The following XKR9 variants were observed in gnomAD, a reference collection of about 807,000 sequenced individuals.
XKR9 encodes XK related 9.
XKR9 carries 32 observed loss-of-function variants against 32.0 expected under a neutral mutation model. That is an observed-to-expected ratio of 1.00 (90% CI 0.76 to 1.34). The LOEUF (loss-of-function observed/expected upper bound fraction) is 1.34, where lower values mean the gene tolerates loss of function less well. Ranked by LOEUF, XKR9 falls within the 40% of genes most tolerant of loss-of-function variation. XKR9 has a pLI of 0.00. For missense variants in XKR9, 546 were observed against 429.7 expected (o/e 1.27, Z -2.39); for synonymous variants, 168 against 143.4 (o/e 1.17, Z -1.22).
chr8:70,785,551 T>G (rs1807673467), intron 2 of XKR9, among the ~76,000 whole-genome samples: 1 of 136,274 alleles, frequency 7.3e-6, no homozygotes, highest in Non-Finnish European at 1.7e-5. Context: ...CTGCTTGCTT[T>G]GGGTTTAGTT....
At chr8:70,813,215 G>A in the XKR9 span, among the ~76,000 whole-genome samples, 5 of 152,182 alleles carry the variant, frequency 3.3e-5, no homozygotes, top group Non-Finnish European at 2.9e-5. Flanking sequence ...TTTAATAAAT[G>A]GTGCTGGGAA....
At chr8:70,830,955 G>C in the XKR9 span, among the ~76,000 whole-genome samples, 1 of 152,006 alleles carries the variant, frequency 6.6e-6, no homozygotes. Context: ...TAGTCTTTTT[G>C]TGTTTTGGGG....
At chr8:70,844,068 C>A in the XKR9 span, among the ~76,000 whole-genome samples, 1 of 152,192 alleles carries the variant, frequency 6.6e-6, no homozygotes. Flanking sequence ...GTGCAGCTTA[C>A]CAAGGACGAT....
chr8:71,014,400 A>T, the XKR9 span, among the ~76,000 whole-genome samples: 1 of 152,232 alleles, frequency 6.6e-6, no homozygotes, highest in Admixed American at 6.5e-5. Flanking sequence ...TGCTCCCCAC[A>T]AAAGCTCTAG....
chr8:70,874,762 C>T, the XKR9 span, among the ~76,000 whole-genome samples: 1 of 152,176 alleles, frequency 6.6e-6, no homozygotes, highest in Non-Finnish European at 1.5e-5. Context: ...TTTTCTTGCT[C>T]AGCTCTGCTA....
the XKR9 span, among the ~76,000 whole-genome samples, chr8:70,796,760 A>G: frequency 2.0e-5 from 3 of 152,246 alleles, no homozygotes; most frequent in South Asian, 2.1e-4. Flanking sequence ...AAAGAATGTT[A>G]GAGACACAGG....
chr8:70,939,684 G>A, the XKR9 span, among the ~76,000 whole-genome samples: 4 of 151,884 alleles, frequency 2.6e-5, no homozygotes, highest in African/African-American at 9.7e-5. Flanking sequence ...ACAATACTGG[G>A]TTTACCATCA....
the XKR9 span, among the ~76,000 whole-genome samples, chr8:70,991,962 C>A: frequency 6.6e-6 from 1 of 152,170 alleles, no homozygotes; most frequent in Non-Finnish European, 1.5e-5. Context: ...GTTTCATTGT[C>A]TGCCTTGCAT....
intron 2 of XKR9, among the ~76,000 whole-genome samples, chr8:70,763,385 T>C (rs1360506415): frequency 2.0e-5 from 3 of 152,186 alleles, no homozygotes; most frequent in African/African-American, 7.2e-5. Context: ...TTCAGATAAC[T>C]CTAAGGTGTC....
chr8:70,810,573 C>G, the XKR9 span, among the ~76,000 whole-genome samples: 2 of 151,816 alleles, frequency 1.3e-5, no homozygotes, highest in East Asian at 1.9e-4. Flanking sequence ...CACATAGACT[C>G]AAAATAAAGG....
At chr8:70,946,070 G>A in the XKR9 span, among the ~76,000 whole-genome samples, 1 of 152,088 alleles carries the variant, frequency 6.6e-6, no homozygotes, top group Admixed American at 6.5e-5. Flanking sequence ...GGGAGGCGGA[G>A]GTTGCAGTGA....
chr8:71,023,762 T>C, the XKR9 span, among the ~76,000 whole-genome samples: 1 of 152,134 alleles, frequency 6.6e-6, no homozygotes, highest in Non-Finnish European at 1.5e-5. Context: ...ATGGCCTCCA[T>C]GGACCACTCC....
At chr8:70,809,225 G>C in the XKR9 span, among the ~76,000 whole-genome samples, 1 of 152,198 alleles carries the variant, frequency 6.6e-6, no homozygotes, top group African/African-American at 2.4e-5. Flanking sequence ...CAGACCTGCA[G>C]CTGAGGGTCC....
the XKR9 span, among the ~76,000 whole-genome samples, chr8:70,917,475 C>CT: frequency 7.0e-3 from 1,039 of 148,860 alleles, 12 homozygotes; most frequent in Admixed American, 0.026. Context: ...TCAATTTATA[C>CT]TTTTTTTTTT....
chr8:70,783,015 G>T (rs1400218723), intron 2 of XKR9, among the ~76,000 whole-genome samples: 2 of 152,092 alleles, frequency 1.3e-5, no homozygotes, highest in African/African-American at 4.8e-5. Context: ...CTTAATAGCT[G>T]TCCTAATTTA....
chr8:70,898,765 A>G, the XKR9 span, among the ~76,000 whole-genome samples: 4 of 152,050 alleles, frequency 2.6e-5, no homozygotes, highest in Non-Finnish European at 4.4e-5. Flanking sequence ...TTATTTTATC[A>G]TAATTTACAA....
the XKR9 span, among the ~76,000 whole-genome samples, chr8:70,917,629 A>G: frequency 6.6e-6 from 1 of 152,242 alleles, no homozygotes; most frequent in Admixed American, 6.5e-5. Context: ...TATTCAAACA[A>G]TGAACGAATG....
At chr8:70,763,665 AT>A (rs1248568037) in intron 2 of XKR9, among the ~76,000 whole-genome samples, 1 of 152,152 alleles carries the variant, frequency 6.6e-6, no homozygotes, top group South Asian at 2.1e-4. Flanking sequence ...TGAAAAAATT[AT>A]TTTTTTCCCT....
chr8:70,903,636 G>A, the XKR9 span, among the ~76,000 whole-genome samples: 1,520 of 151,882 alleles, frequency 0.01, 23 homozygotes, highest in African/African-American at 0.035. Context: ...TCTCTCTCTC[G>A]TTCAATTCTG....
Sources: gnomAD v4.1 joint callset for allele counts (sites outside exome capture counted in the v4.1 genomes callset) on GRCh38, gnomAD v4.1.1 for gene constraint, MANE v1.5 for transcripts, NCBI Gene and HGNC (gene_info 2026-07-23, HGNC 2026-07-21) for gene names.